TMCO5A: variants seen among roughly 807,000 people sequenced by gnomAD.
The protein encoded by TMCO5A is transmembrane and coiled-coil domains 5A, also known as transmembrane and coiled-coil domain-containing protein 5A.
A neutral mutation model predicts 42.3 loss-of-function variants in TMCO5A; 34 were observed. That is an observed-to-expected ratio of 0.80 (90% CI 0.61 to 1.07). TMCO5A has a LOEUF of 1.07. Ranked by LOEUF, TMCO5A falls within the 50% of genes least tolerant of loss-of-function variation. The pLI, the probability that TMCO5A is intolerant of heterozygous loss-of-function variation, is 0.00. For synonymous variants in TMCO5A, 131 were observed against 115.6 expected (o/e 1.13, Z -0.86); for missense variants, 357 against 327.9 (o/e 1.09, Z -0.69).
chr15:37,996,557 G>T, the TMCO5A span, among the ~76,000 whole-genome samples: 2 of 152,118 alleles, frequency 1.3e-5, no homozygotes, highest in Non-Finnish European at 2.9e-5. Flanking sequence ...ATCTTGTTAA[G>T]CATGCTAAAT....
At chr15:38,032,156 T>C in the TMCO5A span, among the ~76,000 whole-genome samples, 1 of 152,254 alleles carries the variant, frequency 6.6e-6, no homozygotes, top group East Asian at 1.9e-4. Flanking sequence ...GTTTTCTCCA[T>C]GTTGGTTAGG....
At chr15:37,986,424 T>TGTGTGTGTGTGTGTG in the TMCO5A span, among the ~76,000 whole-genome samples, 2 of 149,040 alleles carry the variant, frequency 1.3e-5, no homozygotes, top group African/African-American at 5.0e-5. Flanking sequence ...TGTGTGTGTG[T>TGTGTGTGTGTGTGTG]TTAAATCAAG....
the TMCO5A span, among the ~76,000 whole-genome samples, chr15:37,989,091 A>G: frequency 2.6e-5 from 4 of 151,906 alleles, no homozygotes; most frequent in African/African-American, 9.7e-5. Context: ...AGGAATTTAT[A>G]AATTTCTTCC....
chr15:38,036,566 A>G, the TMCO5A span, among the ~76,000 whole-genome samples: 4 of 151,580 alleles, frequency 2.6e-5, no homozygotes, highest in South Asian at 6.3e-4. Context: ...ACTTCTCACT[A>G]TTCTCAAACC....
At chr15:37,971,245 G>A (rs1890668023), downstream of TMCO5A, among the ~76,000 whole-genome samples, 2 of 152,332 alleles carry the variant, frequency 1.3e-5, no homozygotes, top group African/African-American at 4.8e-5. Flanking sequence ...TCAACACCAT[G>A]TGGAAGCTGC....
the TMCO5A span, among the ~76,000 whole-genome samples, chr15:38,013,801 A>C: frequency 6.6e-6 from 1 of 152,224 alleles, no homozygotes; most frequent in Non-Finnish European, 1.5e-5. Context: ...ATTATCATAA[A>C]TTTAGTGACT....
chr15:37,957,123 C>T (rs565852171), intron 11 of TMCO5A, among the ~76,000 whole-genome samples: 2 of 152,304 alleles, frequency 1.3e-5, no homozygotes, highest in Non-Finnish European at 2.9e-5. Context: ...GACAAACCCA[C>T]AGCCAATATC....
intron 11 of TMCO5A, among the ~76,000 whole-genome samples, chr15:37,960,889 C>T (rs532560903): frequency 1.4e-4 from 21 of 151,948 alleles, no homozygotes; most frequent in African/African-American, 5.1e-4. Context: ...TTTGGTTTTT[C>T]TTGCTGACTT....
chr15:37,963,146 T>A (rs1423896748), intron 11 of TMCO5A, among the ~76,000 whole-genome samples: 1 of 152,256 alleles, frequency 6.6e-6, no homozygotes, highest in East Asian at 1.9e-4. Flanking sequence ...GACCTTCGAA[T>A]GTCAGCTTGT....
chr15:38,025,045 T>C, the TMCO5A span: 1 of 152,240 alleles, frequency 6.6e-6, no homozygotes, highest in Non-Finnish European at 1.5e-5. Flanking sequence ...TAGTTTGTTA[T>C]GGCCACCTGA....
the TMCO5A span, among the ~76,000 whole-genome samples, chr15:37,989,755 GA>G: frequency 6.6e-6 from 1 of 152,048 alleles, no homozygotes; most frequent in Admixed American, 6.6e-5. Context: ...CAAGGTGCCA[GA>G]ATCTTATGAA....
At chr15:38,034,997 G>A in the TMCO5A span, among the ~76,000 whole-genome samples, 39 of 152,244 alleles carry the variant, frequency 2.6e-4, no homozygotes, top group African/African-American at 9.4e-4. Context: ...ATTCTCCTAA[G>A]GGCAAGCTGC....
the TMCO5A span, among the ~76,000 whole-genome samples, chr15:38,035,984 T>C: frequency 6.6e-6 from 1 of 152,200 alleles, no homozygotes; most frequent in African/African-American, 2.4e-5. Flanking sequence ...TAAACTTCTA[T>C]CTTCTCCTGT....
At chr15:37,994,032 C>T in the TMCO5A span, among the ~76,000 whole-genome samples, 7 of 152,134 alleles carry the variant, frequency 4.6e-5, no homozygotes, top group Admixed American at 2.6e-4. Flanking sequence ...CCAGAATCCT[C>T]GACTTAATCT....
chr15:37,981,200 C>CAAAAAA, the TMCO5A span, among the ~76,000 whole-genome samples: 15 of 65,308 alleles, frequency 2.3e-4, no homozygotes, highest in African/African-American at 2.8e-4. Context: ...AGAAAGCCAG[C>CAAAAAA]AAAAAAAAAA....
At chr15:38,023,271 C>T in the TMCO5A span, among the ~76,000 whole-genome samples, 1 of 152,148 alleles carries the variant, frequency 6.6e-6, no homozygotes, top group Non-Finnish European at 1.5e-5. Flanking sequence ...AACATAGTAG[C>T]TTAAAATACA....
chr15:38,036,483 GTCTC>G, the TMCO5A span, among the ~76,000 whole-genome samples: 1,379 of 142,058 alleles, frequency 9.7e-3, 9 homozygotes, highest in African/African-American at 0.034. Context: ...CTCTGTTTTT[GTCTC>G]TCTCTCTCTC....
chr15:37,936,423 C>A lies in TMCO5A; in HGVS notation c.100C>A (p.Leu34Ile). ...GAGAATAGATGAAGCAAATCAGAAACTTCTTCTCAAAATCCAAGAGAGGGA... is the reference window on the plus strand; with the variant it reads ...GAGAATAGATGAAGCAAATCAGAAAATTCTTCTCAAAATCCAAGAGAGGGA... ...TQRIDEANQK[L>I]LLKIQEREDK... is the part of the protein sequence containing the mutation. The change falls in exon 3 of 12, where the codon CTT becomes ATT. Residue 34 changes from leucine to isoleucine, a missense_variant. Leu to Ile is a conservative substitution (Grantham distance 5). Transcript: ENST00000319669. 6.2e-7 allele frequency: 1 copy of A among 1,612,982 alleles called. No individual in the cohort carries two copies. Among genetic ancestry groups the A allele is most frequent in the Non-Finnish European group, 8.5e-7 (1 of 1,179,394 alleles).
intron 11 of TMCO5A, 76 bp downstream of exon 11, chr15:37,947,772 C>T: frequency 4.0e-6 from 4 of 994,814 alleles, no homozygotes; most frequent in Non-Finnish European, 6.3e-6. Flanking sequence ...AGGGAAAAGT[C>T]TAGACAAGGA....
Sources: allele counts gnomAD v4.1 joint callset (sites outside exome capture counted in the v4.1 genomes callset), GRCh38; gene constraint gnomAD v4.1.1; transcripts MANE v1.5; gene names NCBI Gene and HGNC (gene_info 2026-07-23, HGNC 2026-07-21).